The following TENM1 variants were observed in gnomAD, a reference collection of about 807,000 sequenced individuals.
The protein encoded by TENM1 is teneurin transmembrane protein 1.
Under a neutral mutation model 174.8 loss-of-function variants are expected in TENM1, and 35 were observed. That is an observed-to-expected ratio of 0.20 (90% CI 0.15 to 0.27). The LOEUF (loss-of-function observed/expected upper bound fraction) is 0.27, where lower values mean the gene tolerates loss of function less well. Ranked by LOEUF, TENM1 falls within the 10% of genes least tolerant of loss-of-function variation. The pLI is 1.00. For synonymous variants in TENM1, 781 were observed against 798.7 expected (o/e 0.98, Z 0.37); for missense variants, 1,633 against 2,130.1 (o/e 0.77, Z 4.59).
At chrX:124,582,061 A>AGTGTGTGTT (rs2049330877) in intron 11 of TENM1, among the ~76,000 whole-genome samples, 1 of 110,580 alleles carries the variant, frequency 9.0e-6, no homozygotes, top group Non-Finnish European at 1.9e-5. Context: ...AATAGTCCCC[A>AGTGTGTGTT]GTGTGTGTTG....
At chrX:125,171,383 C>A in the TENM1 span, among the ~76,000 whole-genome samples, 5 of 110,308 alleles carry the variant, frequency 4.5e-5, no homozygotes, top group Admixed American at 4.9e-4. Context: ...AATATTAATT[C>A]AATTTAAGGG....
chrX:124,613,255 CCT>C (rs2050319411), intron 11 of TENM1, among the ~76,000 whole-genome samples: 1 of 111,286 alleles, frequency 9.0e-6, no homozygotes, highest in Admixed American at 9.6e-5. Flanking sequence ...TTAAACTTCC[CCT>C]GTTTTCCAGG....
At chrX:124,767,295 T>C (rs1261540829) in intron 3 of TENM1, among the ~76,000 whole-genome samples, 2 of 111,533 alleles carry the variant, frequency 1.8e-5, no homozygotes, top group East Asian at 5.6e-4. Context: ...TTATTATCTA[T>C]CAGAAACCAA....
intron 1 of TENM1, among the ~76,000 whole-genome samples, chrX:124,956,062 C>A (rs753327651): frequency 2.7e-5 from 3 of 111,680 alleles, no homozygotes; most frequent in Non-Finnish European, 3.8e-5. Flanking sequence ...ATAACAGAAT[C>A]CATTTAAAGT....
chrX:125,011,811 A>G, the TENM1 span, among the ~76,000 whole-genome samples: 1 of 111,790 alleles, frequency 8.9e-6, no homozygotes. Context: ...CAGGAATATC[A>G]TTTGACCCAG....
At chrX:125,189,243 C>T in the TENM1 span, among the ~76,000 whole-genome samples, 17 of 111,709 alleles carry the variant, frequency 1.5e-4, no homozygotes. Flanking sequence ...AGGTTACTTG[C>T]CATCACTGAA....
chrX:124,651,818 G>A, intron 8 of TENM1, 96 bp downstream of exon 11: 3 of 1,103,320 alleles, frequency 2.7e-6, no homozygotes, highest in Non-Finnish European at 3.6e-6. Flanking sequence ...CTCAAAGTGA[G>A]CAATAAGCTT....
At chrX:124,711,953 TTTTTGTGA>T (rs1165386935) in intron 4 of TENM1, among the ~76,000 whole-genome samples, 1 of 112,146 alleles carries the variant, frequency 8.9e-6, no homozygotes, top group African/African-American at 3.2e-5. Flanking sequence ...AGTATTTGTG[TTTTTGTGA>T]TTTATTTCAC....
the TENM1 span, among the ~76,000 whole-genome samples, chrX:125,103,679 C>T: frequency 4.4e-5 from 5 of 112,470 alleles, no homozygotes; most frequent in Admixed American, 1.9e-4. Flanking sequence ...GTTAATCCTG[C>T]TTGCTTAATA....
chrX:124,830,976 G>A (rs761996433), intron 3 of TENM1, among the ~76,000 whole-genome samples: 1 of 111,528 alleles, frequency 9.0e-6, no homozygotes, highest in African/African-American at 3.3e-5. Context: ...AGCTCCTGGG[G>A]GTAATGGGCT....
At chrX:124,559,250 C>A (rs1293043863) in intron 14 of TENM1, among the ~76,000 whole-genome samples, 1 of 111,606 alleles carries the variant, frequency 9.0e-6, no homozygotes, top group Non-Finnish European at 1.9e-5. Context: ...ATACCAAATC[C>A]TTTTTAGAAT....
intron 3 of TENM1, among the ~76,000 whole-genome samples, chrX:124,788,652 T>A (rs1050351714): frequency 8.9e-6 from 1 of 112,746 alleles, no homozygotes; most frequent in Non-Finnish European, 1.9e-5. Flanking sequence ...AGCAGTCAAA[T>A]CTTAATGCTC....
rs188636458 is a variant in TENM1, at chrX:124,437,244, G to A, written c.4105-14606C>T. Among the ~76,000 whole-genome samples the A allele has an allele frequency of 8.5e-5, 9 of 106,317 alleles. No individual in the cohort carries two copies. The East Asian group carries it at 2.4e-3, about 28-fold the overall frequency. The allele number at this position is 106,317 out of a possible 115,157, so 92.3% of individuals were successfully genotyped here. A position where few individuals can be genotyped will look rare whatever the true frequency, so the allele number is the denominator to read the frequency against. On this transcript the variant is annotated intron_variant, in intron 23 of 31. Transcript: ENST00000422452. The stretch of plus-strand genomic sequence containing the variant: ...TGGGATTACAGGCATGAGCCACTGC[G>A]CCCAGCCTCTGACTGCATCTTGACT...
intron 27 of TENM1, among the ~76,000 whole-genome samples, chrX:124,402,441 T>A (rs2060410855): frequency 8.9e-6 from 1 of 111,944 alleles, no homozygotes; most frequent in Admixed American, 9.5e-5. Flanking sequence ...GGATCGGAAA[T>A]GGGTCACATT....
chrX:125,087,371 A>G, the TENM1 span, among the ~76,000 whole-genome samples: 37 of 111,540 alleles, frequency 3.3e-4, no homozygotes, highest in Non-Finnish European at 1.9e-5. Context: ...TAAATCTATG[A>G]AAATCATTGG....
intron 20 of TENM1, among the ~76,000 whole-genome samples, 164 bp from the exon 24 acceptor site, chrX:124,487,393 T>C (rs1330968899): frequency 4.5e-5 from 5 of 112,236 alleles, no homozygotes; most frequent in Admixed American, 2.8e-4. Flanking sequence ...AAGCCAAAGT[T>C]GATCCAATCC....
intron 6 of TENM1, among the ~76,000 whole-genome samples, chrX:124,665,922 G>A (rs1368972710): frequency 1.8e-5 from 2 of 111,567 alleles, no homozygotes; most frequent in Non-Finnish European, 3.8e-5. Context: ...TGCTAGCCCC[G>A]CCTCTTCTCT....
At chrX:124,723,481 T>G (rs2053365801) in intron 4 of TENM1, among the ~76,000 whole-genome samples, 1 of 111,802 alleles carries the variant, frequency 8.9e-6, no homozygotes, top group South Asian at 3.7e-4. Flanking sequence ...CTTTTAGTCT[T>G]GCATAAAACT....
At chrX:125,157,624 A>G in the TENM1 span, among the ~76,000 whole-genome samples, 2 of 111,982 alleles carry the variant, frequency 1.8e-5, no homozygotes, top group African/African-American at 6.5e-5. Context: ...GGAACGAACT[A>G]GCATGCCTCA....
Sources: gnomAD v4.1 joint callset for allele counts (sites outside exome capture counted in the v4.1 genomes callset) on GRCh38, gnomAD v4.1.1 for gene constraint, MANE v1.5 for transcripts, NCBI Gene and HGNC (gene_info 2026-07-23, HGNC 2026-07-21) for gene names.